The following SNX2 variants were observed in gnomAD, a reference collection of about 807,000 sequenced individuals.
SNX2 encodes the protein sorting nexin 2, also known as sorting nexin-2.
SNX2 carries 25 observed loss-of-function variants against 69.9 expected under a neutral mutation model. The ratio of observed to expected loss-of-function variants is 0.36; its 90% CI spans 0.26 to 0.50. The LOEUF (loss-of-function observed/expected upper bound fraction) is 0.50, where lower values mean the gene tolerates loss of function less well. Among genes scored for constraint, SNX2 ranks in the 20% least tolerant of loss-of-function variants. The pLI, the probability that SNX2 is intolerant of heterozygous loss-of-function variation, is 0.97. For missense variants in SNX2, 551 were observed against 613.3 expected (o/e 0.90, Z 1.07); for synonymous variants, 229 against 200.4 (o/e 1.14, Z -1.20).
rs748749986 is a variant in SNX2 at position 122,775,206 on chromosome 5, C to A, written c.103C>A (p.Leu35Ile). 13 of 1,569,150 alleles carry A rather than the reference C, an allele frequency of 8.3e-6. No homozygotes were observed. The highest frequency in any genetic ancestry group is 1.1e-5 in the Non-Finnish European group (13 of 1,158,160). Reference protein sequence around the residue: ...EDLFTSTVSTLESSPSSPEPA... With the variant: ...EDLFTSTVSTIESSPSSPEPA... ...CCTGTTCACCAGCACTGTCTCCACC[C>A]TAGAGGTGAGACCGCGTCGCTGCGG... Residue 35 changes from leucine to isoleucine, a missense_variant, in exon 1 of 15, where the codon CTA becomes ATA. Leu to Ile is a conservative substitution (Grantham distance 5, BLOSUM62 2). Around this residue, in one of 2 missense-constraint regions of SNX2, gnomAD observed 191 missense variants for 162.9 expected, o/e 1.17. Transcript: ENST00000379516.
chr5:122,803,395 C>A, intron 5 of SNX2, 77 bp from the exon 6 acceptor site: 1 of 1,402,680 alleles, frequency 7.1e-7, no homozygotes, highest in Non-Finnish European at 9.7e-7. Flanking sequence ...TGTATGTGTT[C>A]ACAATTATGT....
At chr5:122,807,350 T>C (rs1203313023) in intron 6 of SNX2, among the ~76,000 whole-genome samples, 19 of 152,184 alleles carry the variant, frequency 1.2e-4, no homozygotes, top group Admixed American at 1.2e-3. Context: ...TTTAGAATAT[T>C]TTTATTACCC....
At chr5:122,820,798 C>A (rs762571955) in intron 11 of SNX2, among the ~76,000 whole-genome samples, 6 of 152,088 alleles carry the variant, frequency 3.9e-5, no homozygotes, top group African/African-American at 1.4e-4. Context: ...TCCCTGTTTG[C>A]GAGATTCAGA....
At chr5:122,782,481 C>T (rs559146264) in intron 1 of SNX2, among the ~76,000 whole-genome samples, 15 of 152,072 alleles carry the variant, frequency 9.9e-5, no homozygotes, top group Non-Finnish European at 1.6e-4. Context: ...TCAGGCAGTT[C>T]GCCCTTCTCA....
intron 6 of SNX2, among the ~76,000 whole-genome samples, chr5:122,806,612 T>TAA (rs1246610653): frequency 6.6e-6 from 1 of 151,940 alleles, no homozygotes; most frequent in Non-Finnish European, 1.5e-5. Context: ...TATTTATTTA[T>TAA]TTATTTATTT....
upstream of SNX2, chr5:122,775,016 G>C: frequency 3.1e-6 from 4 of 1,290,388 alleles, no homozygotes; most frequent in Middle Eastern, 5.2e-4. Flanking sequence ...GGGGCGGGGA[G>C]GCTGGCGGGT....
In SNX2 at chr5:122,814,338, CT is replaced by C. The variant is rs1163284432; in HGVS notation, c.723-1552del. Among the ~76,000 whole-genome samples the C allele has an allele frequency of 2.0e-5, 3 of 152,178 alleles. No individual in the cohort carries two copies. The South Asian group carries it at 6.2e-4, about 32-fold the overall frequency. ...CAGGATTAGTGTTCTTGCTGCATCC[CT>C]TTTTTGGCTTCATAATATAGGTAGC... is the stretch of plus-strand genomic sequence containing the variant. On this transcript the variant is annotated intron_variant, in intron 7 of 14. Coordinates refer to ENST00000379516, the MANE Select transcript of SNX2 (RefSeq NM_003100.4).
intron 1 of SNX2, among the ~76,000 whole-genome samples, chr5:122,781,016 AAG>A (rs1421832482): frequency 2.6e-5 from 4 of 152,226 alleles, no homozygotes; most frequent in African/African-American, 9.6e-5. Context: ...AATTAGTAGA[AAG>A]AGATTTATGA....
In SNX2 at chr5:122,832,515, C is replaced by G. The variant is rs1754316862; in HGVS notation, c.*2867C>G. 1.3e-5 allele frequency: 2 copies of G among 152,026 alleles called. No individual in the cohort carries two copies. The highest frequency in any genetic ancestry group is 4.8e-5 in the African/African-American group (2 of 41,398). 9.4% of individuals were successfully genotyped at this position (152,026 alleles called of 1,614,324 possible). A position where few individuals can be genotyped will look rare whatever the true frequency, so the allele number is the denominator to read the frequency against. On this transcript the variant is annotated 3_prime_UTR_variant, in exon 15 of 15. Transcript: ENST00000379516. ...TATTAATCTCAAAATACCTTTGTTTCATTGTTGCTACTCCTTAAACTTTTT... is the reference window on the plus strand; with the variant it reads ...TATTAATCTCAAAATACCTTTGTTTGATTGTTGCTACTCCTTAAACTTTTT...
In SNX2 at chr5:122,816,987, G is replaced by A; in HGVS notation, c.871G>A (p.Ala291Thr). 1.2e-6 allele frequency: 2 copies of A among 1,613,754 alleles called. No individual in the cohort carries two copies. Among genetic ancestry groups the A allele is most frequent in the Non-Finnish European group, 8.5e-7 (1 of 1,179,784 alleles). Reference sequence around the variant, plus strand: ...GAGGATGGTGAACAAGGCTGCCGACGCTGTCAACAAAATGACAATCAAGAT... The same window carrying A: ...GAGGATGGTGAACAAGGCTGCCGACACTGTCAACAAAATGACAATCAAGAT... ...ILRMVNKAAD[A>T]VNKMTIKMNE... The change falls in exon 9 of 15, where the codon GCT (alanine) becomes ACT (threonine). Residue 291 changes from alanine to threonine, a missense_variant. Physicochemically the swap from Ala to Thr is moderately conservative, Grantham distance 58. This residue lies in a region of SNX2 where 360 missense variants were observed against 450.4 expected (regional missense o/e 0.80). Transcript: ENST00000379516.
intron 7 of SNX2, among the ~76,000 whole-genome samples, chr5:122,813,130 T>C (rs1326338266): frequency 6.6e-6 from 1 of 152,194 alleles, no homozygotes; most frequent in Non-Finnish European, 1.5e-5. Flanking sequence ...TCCTGTCTTC[T>C]TCCTACACTC....
intron 1 of SNX2, among the ~76,000 whole-genome samples, chr5:122,789,651 A>G (rs752611033): frequency 2.6e-5 from 4 of 152,198 alleles, no homozygotes; most frequent in African/African-American, 9.6e-5. Flanking sequence ...TTATTCATAT[A>G]CACATACTCC....
At chr5:122,827,520 G>A (rs1178042820) in intron 13 of SNX2, 55 bp from the exon 14 acceptor site, 1 of 1,601,986 alleles carries the variant, frequency 6.2e-7, no homozygotes, top group East Asian at 2.2e-5. Flanking sequence ...GCAATTTTGT[G>A]GTAAAGTTGA....
chr5:122,811,033 A>G (rs942333864), intron 7 of SNX2, among the ~76,000 whole-genome samples: 3 of 152,022 alleles, frequency 2.0e-5, no homozygotes. Flanking sequence ...TTTTTCTGTG[A>G]TATTTCTTAA....
intron 6 of SNX2, among the ~76,000 whole-genome samples, chr5:122,804,352 A>G (rs1321177493): frequency 1.3e-5 from 2 of 151,794 alleles, no homozygotes; most frequent in Non-Finnish European, 2.9e-5. Context: ...TTTAAAGTTT[A>G]AAAACATTTC....
rs537805776 is a variant in SNX2, at chr5:122,831,705, G to A, written c.*2057G>A. On this transcript the variant is annotated 3_prime_UTR_variant, in exon 15 of 15. Transcript: ENST00000379516. ...CCAAGAATAGTTTCACTATAATGAT[G>A]TCCTAGTGTTATATCCACAGGTATA... Among the ~76,000 whole-genome samples, 2 of 152,156 alleles carry A rather than the reference G, an allele frequency of 1.3e-5. No individual in the cohort carries two copies. The highest frequency in any genetic ancestry group is 2.9e-5 in the Non-Finnish European group (2 of 68,022).
intron 1 of SNX2, among the ~76,000 whole-genome samples, chr5:122,785,120 G>C (rs1753056512): frequency 6.6e-6 from 1 of 151,524 alleles, no homozygotes; most frequent in Non-Finnish European, 1.5e-5. Flanking sequence ...ATTTTGATTT[G>C]GTAGAGGTTT....
intron 10 of SNX2, among the ~76,000 whole-genome samples, chr5:122,818,357 T>A (rs1163812123): frequency 6.6e-6 from 1 of 152,200 alleles, no homozygotes; most frequent in African/African-American, 2.4e-5. Flanking sequence ...TGTATATAAT[T>A]TTACCTTTGC....
At chr5:122,797,564 T>A (rs916423997) in intron 2 of SNX2, among the ~76,000 whole-genome samples, 1 of 152,136 alleles carries the variant, frequency 6.6e-6, no homozygotes, top group African/African-American at 2.4e-5. Flanking sequence ...AGGAGTATGG[T>A]TCTAGGAAAC....
Sources: allele counts gnomAD v4.1 joint callset (sites outside exome capture counted in the v4.1 genomes callset), GRCh38; gene constraint gnomAD v4.1.1; regional missense constraint gnomAD v4.1.1; transcripts MANE v1.5; gene names NCBI Gene and HGNC (gene_info 2026-07-23, HGNC 2026-07-21).